Variants in PCDH15 observed in about 807,000 individuals in gnomAD.
The protein encoded by PCDH15 is protocadherin-15.
Under a neutral mutation model 178.5 loss-of-function variants are expected in PCDH15, and 129 were observed. The ratio of observed to expected loss-of-function variants is 0.72; its 90% CI spans 0.63 to 0.84. The LOEUF (loss-of-function observed/expected upper bound fraction) is 0.84, where lower values mean the gene tolerates loss of function less well. Among genes scored for constraint, PCDH15 ranks in the 40% least tolerant of loss-of-function variants. PCDH15 has a pLI of 0.00. For missense variants in PCDH15, 2,230 were observed against 2,099.9 expected, an observed-to-expected ratio of 1.06 and a Z score of -1.21; for synonymous variants, 800 against 732.0, an observed-to-expected ratio of 1.09 and a Z score of -1.50.
intron 1 of PCDH15, among the ~76,000 whole-genome samples, chr10:54,756,984 G>A (rs1947217825): frequency 1.7e-5 from 2 of 114,558 alleles, no homozygotes; most frequent in South Asian, 6.3e-4. Context: ...GAAGACAGAG[G>A]ATGCTTGGCT....
Position 53,820,190 on chromosome 10 carries a change from A to G in PCDH15, c.4408T>C (p.Cys1470Arg), listed in dbSNP as rs1458347589. 1 of 397,834 alleles carries G rather than the reference A, an allele frequency of 2.5e-6. No homozygotes were observed. Among genetic ancestry groups the G allele is most frequent in the Non-Finnish European group, 4.4e-6 (1 of 225,500 alleles). 24.6% of individuals were successfully genotyped at this position (397,834 alleles called of 1,614,324 possible). The stretch of plus-strand genomic sequence containing the variant: ...CTTGTCAGAGTCCGCCAAATAGCAC[A>G]AGTTCTCATGCATATGACCAGCTGC... Reference protein sequence around the residue: ...CWQLVICMRTCAIWRTLTRRG... With the variant: ...CWQLVICMRTRAIWRTLTRRG... The change falls in exon 33 of 38, where the codon TGT becomes CGT. Residue 1470 changes from cysteine (C) to arginine (R), a missense_variant. Physicochemically the swap from Cys to Arg is radical, Grantham distance 180. Transcript: ENST00000644397.
At chr10:54,128,514 T>C (rs1206647951) in intron 15 of PCDH15, among the ~76,000 whole-genome samples, 2 of 152,190 alleles carry the variant, frequency 1.3e-5, no homozygotes, top group Non-Finnish European at 2.9e-5. Flanking sequence ...TATTGAATGG[T>C]GATCTTCCCT....
At chr10:55,056,515 A>G (rs980839549) in intron 2 of PCDH15, among the ~76,000 whole-genome samples, 30 of 92,330 alleles carry the variant, frequency 3.2e-4, no homozygotes, top group African/African-American at 1.6e-3. Context: ...CTTGACTTCA[A>G]AATCTAAGTT....
intron 2 of PCDH15, among the ~76,000 whole-genome samples, chr10:55,387,838 C>G (rs1837699273): frequency 6.6e-6 from 1 of 151,864 alleles, no homozygotes; most frequent in Non-Finnish European, 1.5e-5. Flanking sequence ...TAGAACACAC[C>G]GTGGTATTTT....
intron 1 of PCDH15, among the ~76,000 whole-genome samples, chr10:54,685,125 T>A (rs2094971867): frequency 6.6e-6 from 1 of 152,054 alleles, no homozygotes; most frequent in African/African-American, 2.4e-5. Context: ...AGATAATCAA[T>A]ATCCCTGTCT....
At chr10:54,054,974 A>C (rs549883955) in intron 18 of PCDH15, among the ~76,000 whole-genome samples, 1 of 152,294 alleles carries the variant, frequency 6.6e-6, no homozygotes, top group East Asian at 1.9e-4. Flanking sequence ...AAAAATAAGA[A>C]ATCACCATAA....
intron 2 of PCDH15, among the ~76,000 whole-genome samples, chr10:55,608,888 G>A (rs1843292031): frequency 6.6e-6 from 1 of 151,968 alleles, no homozygotes; most frequent in East Asian, 1.9e-4. Flanking sequence ...GAGGCCTGGG[G>A]ATCCTTTCCT....
At chr10:54,996,408 A>T (rs572950662) in intron 2 of PCDH15, among the ~76,000 whole-genome samples, 1 of 152,276 alleles carries the variant, frequency 6.6e-6, no homozygotes, top group African/African-American at 2.4e-5. Context: ...CAGAGAGGAA[A>T]ACACCCTGGC....
intron 7 of PCDH15, among the ~76,000 whole-genome samples, chr10:54,328,493 T>A (rs925580418): frequency 6.6e-6 from 1 of 152,036 alleles, no homozygotes; most frequent in African/African-American, 2.4e-5. Flanking sequence ...ATACATAGTA[T>A]AATTCAGAAG....
chr10:54,522,187 T>G (rs992633505), intron 3 of PCDH15, among the ~76,000 whole-genome samples: 4 of 151,972 alleles, frequency 2.6e-5, no homozygotes, highest in African/African-American at 7.3e-5. Context: ...TGCGCTGCTA[T>G]GACATTGAGT....
chr10:55,627,406 A>G (rs1837554074), intron 2 of PCDH15, among the ~76,000 whole-genome samples: 1 of 152,092 alleles, frequency 6.6e-6, no homozygotes, highest in Non-Finnish European at 1.5e-5. Flanking sequence ...TTCCCCCAAC[A>G]CAAACACATA....
chr10:55,081,173 C>T (rs1842031544), intron 2 of PCDH15, among the ~76,000 whole-genome samples: 1 of 152,152 alleles, frequency 6.6e-6, no homozygotes, highest in African/African-American at 2.4e-5. Flanking sequence ...CCAAGCTGGC[C>T]ACTTTCTTCC....
At chr10:54,050,511 C>A (rs777520189) in intron 18 of PCDH15, among the ~76,000 whole-genome samples, 1 of 151,990 alleles carries the variant, frequency 6.6e-6, no homozygotes, top group Non-Finnish European at 1.5e-5. Flanking sequence ...GAAGAACCAA[C>A]TTTTGGTTTC....
At chr10:53,967,749 A>G (rs901964517) in intron 21 of PCDH15, among the ~76,000 whole-genome samples, 4 of 152,224 alleles carry the variant, frequency 2.6e-5, no homozygotes, top group Non-Finnish European at 5.9e-5. Context: ...AAAATTTTAA[A>G]TATTAATTTC....
chr10:54,235,525 C>T (rs1269452938), intron 9 of PCDH15, among the ~76,000 whole-genome samples: 3 of 152,106 alleles, frequency 2.0e-5, no homozygotes, highest in African/African-American at 7.2e-5. Context: ...TCTTTTTCCA[C>T]CTGGAAACTC....
At chr10:55,382,123 T>C (rs1321537408) in intron 2 of PCDH15, among the ~76,000 whole-genome samples, 2 of 152,158 alleles carry the variant, frequency 1.3e-5, no homozygotes, top group Admixed American at 6.5e-5. Context: ...ACACTGGATA[T>C]ACAAAAAATT....
upstream of PCDH15, among the ~76,000 whole-genome samples, chr10:55,321,726 C>G (rs61540587): frequency 3.3e-5 from 5 of 152,042 alleles, no homozygotes; most frequent in Non-Finnish European, 1.5e-5. Flanking sequence ...AAAATAAATT[C>G]CAACCAAGAA....
intron 2 of PCDH15, among the ~76,000 whole-genome samples, chr10:54,910,058 A>T (rs1466393643): frequency 6.6e-6 from 1 of 152,146 alleles, no homozygotes; most frequent in Non-Finnish European, 1.5e-5. Flanking sequence ...GCCTGGGAGA[A>T]GTCCTGCCCA....
At chr10:53,915,741 G>A (rs2083476330) in intron 25 of PCDH15, among the ~76,000 whole-genome samples, 1 of 152,060 alleles carries the variant, frequency 6.6e-6, no homozygotes, top group African/African-American at 2.4e-5. Context: ...TGTATTTTTA[G>A]TAGAGACGGG....
Sources: allele counts gnomAD v4.1 joint callset (sites outside exome capture counted in the v4.1 genomes callset), GRCh38; gene constraint gnomAD v4.1.1; transcripts MANE v1.5; gene names NCBI Gene and HGNC (gene_info 2026-07-23, HGNC 2026-07-21).